The following KHDRBS2 variants were observed in gnomAD, a reference collection of about 807,000 sequenced individuals.
The protein encoded by KHDRBS2 is KH domain-containing, RNA-binding, signal transduction-associated protein 2.
A neutral mutation model predicts 44.3 loss-of-function variants in KHDRBS2; 26 were observed. That is an observed-to-expected ratio of 0.59 (90% confidence interval 0.43 to 0.81). The LOEUF is 0.81. Among genes scored for constraint, KHDRBS2 ranks in the 40% least tolerant of loss-of-function variants. KHDRBS2 has a pLI of 0.00. For missense variants in KHDRBS2, 476 were observed against 433.1 expected, an observed-to-expected ratio of 1.10 and a Z score of -0.88; for synonymous variants, 194 against 151.1, an observed-to-expected ratio of 1.28 and a Z score of -2.08.
At chr6:61,720,881 A>G (rs1338638807) in intron 7 of KHDRBS2, among the ~76,000 whole-genome samples, 1 of 150,958 alleles carries the variant, frequency 6.6e-6, no homozygotes, top group African/African-American at 2.4e-5. Flanking sequence ...GGTAATGCCT[A>G]GGTTTTCTTC....
At chr6:61,760,680 G>C (rs1582658850) in intron 6 of KHDRBS2, among the ~76,000 whole-genome samples, 1 of 152,032 alleles carries the variant, frequency 6.6e-6, no homozygotes, top group South Asian at 2.1e-4. Flanking sequence ...CATTAGCAAT[G>C]GAATAGAAAA....
the KHDRBS2 span, among the ~76,000 whole-genome samples, chr6:61,662,194 T>TTTGTGG: frequency 6.6e-6 from 1 of 152,106 alleles, no homozygotes; most frequent in Non-Finnish European, 1.5e-5. Flanking sequence ...TGTCTAGCCA[T>TTTGTGG]ATGTAGAAAG....
At chr6:62,240,642 GTGTGTGTA>G (rs1366896809) in intron 1 of KHDRBS2, among the ~76,000 whole-genome samples, 4 of 122,030 alleles carry the variant, frequency 3.3e-5, no homozygotes, top group African/African-American at 9.8e-5. Flanking sequence ...ACATATATGT[GTGTGTGTA>G]TGTGTGTATG....
At chr6:61,720,039 TGTTCTTGCGATA>T (rs1018161509) in intron 7 of KHDRBS2, among the ~76,000 whole-genome samples, 12 of 152,222 alleles carry the variant, frequency 7.9e-5, no homozygotes, top group Middle Eastern at 3.4e-3. Flanking sequence ...TTTGGTTTTT[TGTTCTTGCGATA>T]GTTTACTGAG....
At chr6:62,143,755 G>A (rs1273073069) in intron 2 of KHDRBS2, among the ~76,000 whole-genome samples, 1 of 151,852 alleles carries the variant, frequency 6.6e-6, no homozygotes, top group African/African-American at 2.4e-5. Context: ...AAGAGTCTGA[G>A]TAGTGCAGAG....
chr6:62,064,478 A>G (rs994047568), intron 2 of KHDRBS2, among the ~76,000 whole-genome samples: 1 of 148,392 alleles, frequency 6.7e-6, no homozygotes, highest in African/African-American at 2.5e-5. Flanking sequence ...ATAACGCCGC[A>G]TACCTACAAC....
the KHDRBS2 span, among the ~76,000 whole-genome samples, chr6:61,552,079 G>T: frequency 6.6e-6 from 1 of 151,932 alleles, no homozygotes; most frequent in Non-Finnish European, 1.5e-5. Flanking sequence ...TATAGAAATA[G>T]CATTGAATTT....
intron 2 of KHDRBS2, among the ~76,000 whole-genome samples, chr6:62,075,153 T>A (rs1796086933): frequency 6.6e-6 from 1 of 151,878 alleles, no homozygotes; most frequent in Non-Finnish European, 1.5e-5. Context: ...CCAAAATTCA[T>A]ATGTTGAAAC....
intron 2 of KHDRBS2, among the ~76,000 whole-genome samples, chr6:62,124,979 C>T (rs910923989): frequency 1.3e-5 from 2 of 152,092 alleles, no homozygotes; most frequent in Non-Finnish European, 2.9e-5. Context: ...ATTTGCATTT[C>T]TCTGATAATT....
intron 7 of KHDRBS2, among the ~76,000 whole-genome samples, chr6:61,698,589 A>T (rs762307784): frequency 2.6e-5 from 4 of 152,136 alleles, no homozygotes; most frequent in African/African-American, 4.8e-5. Context: ...AAGTTAGATC[A>T]TATTAGCTCC....
Position 61,972,212 on chromosome 6 carries a change from A to G in KHDRBS2, c.483+5854T>C, listed in dbSNP as rs557833155. 2.6e-5 allele frequency among the ~76,000 whole-genome samples: 4 copies of G among 152,272 alleles called. No individual in the cohort carries two copies. The South Asian group carries it at 8.3e-4, about 32-fold the overall frequency. On this transcript the variant is annotated intron_variant, in intron 4 of 8. Transcript: ENST00000281156. ...TTTATCTGTCTTCCAAGTTATGTCA[A>G]TCAATTAGCAATGATACAGTAGTCC...
chr6:61,925,038 A>G (rs1291036969), intron 4 of KHDRBS2, among the ~76,000 whole-genome samples: 1 of 152,194 alleles, frequency 6.6e-6, no homozygotes, highest in African/African-American at 2.4e-5. Context: ...ATTATTTCAC[A>G]TTAATGACCA....
chr6:61,613,435 T>C, the KHDRBS2 span, among the ~76,000 whole-genome samples: 1 of 152,192 alleles, frequency 6.6e-6, no homozygotes, highest in Non-Finnish European at 1.5e-5. Context: ...CTGTTACCCT[T>C]ATTTTGCACA....
chr6:61,889,157 T>C (rs1036320343), intron 6 of KHDRBS2, among the ~76,000 whole-genome samples: 6 of 152,292 alleles, frequency 3.9e-5, no homozygotes, highest in African/African-American at 1.4e-4. Flanking sequence ...ATATTCTAGG[T>C]ATTTATGCAT....
chr6:61,945,110 AAAGTATATATATATATAT>A (rs1258292800), intron 4 of KHDRBS2, among the ~76,000 whole-genome samples: 4 of 46,272 alleles, frequency 8.6e-5, no homozygotes, highest in East Asian at 8.8e-4. Flanking sequence ...AAAAAAAAAA[AAAGTATATATATATATAT>A]ATATATATAT....
At chr6:61,718,255 A>C (rs1456052962) in intron 7 of KHDRBS2, among the ~76,000 whole-genome samples, 1 of 152,102 alleles carries the variant, frequency 6.6e-6, no homozygotes. Context: ...AGTTTGTGCG[A>C]GGGGTTTGAG....
intron 2 of KHDRBS2, among the ~76,000 whole-genome samples, chr6:62,145,410 T>C (rs572628056): frequency 4.0e-4 from 60 of 151,832 alleles, no homozygotes; most frequent in Non-Finnish European, 8.3e-4. Context: ...TTTCTAATAA[T>C]TTCCATTCTT....
intron 1 of KHDRBS2, among the ~76,000 whole-genome samples, chr6:62,215,287 C>T (rs1289667943): frequency 6.6e-6 from 1 of 151,908 alleles, no homozygotes; most frequent in African/African-American, 2.4e-5. Context: ...TCCTCACTTG[C>T]ATGAAGAGTG....
At chr6:61,912,934 G>A (rs899553159) in intron 4 of KHDRBS2, among the ~76,000 whole-genome samples, 19 of 152,130 alleles carry the variant, frequency 1.2e-4, no homozygotes, top group East Asian at 5.8e-4. Flanking sequence ...CAACCACAAC[G>A]CCTGCTCTCT....
Sources: gnomAD v4.1 joint callset for allele counts (sites outside exome capture counted in the v4.1 genomes callset) on GRCh38, gnomAD v4.1.1 for gene constraint, MANE v1.5 for transcripts, NCBI Gene and HGNC (gene_info 2026-07-23, HGNC 2026-07-21) for gene names.